CPNE4: variants seen among roughly 807,000 people sequenced by gnomAD.
CPNE4 encodes copine 4.
In CPNE4, 25 loss-of-function variants were observed where a neutral mutation model predicts 67.9. The observed-to-expected ratio is 0.37, with a 90% CI of 0.27 to 0.51. The LOEUF (loss-of-function observed/expected upper bound fraction) is 0.51. CPNE4 is among the 20% of genes least tolerant of loss of function. CPNE4 has a pLI of 0.93. For missense variants in CPNE4, 464 were observed against 690.8 expected (o/e 0.67, Z 3.68); for synonymous variants, 242 against 244.9 (o/e 0.99, Z 0.11).
At chr3:131,550,179 T>G (rs1361478027) in intron 13 of CPNE4, 99 bp from the exon 14 acceptor site, 4 of 1,239,282 alleles carry the variant, frequency 3.2e-6, no homozygotes, top group Non-Finnish European at 4.5e-6. Flanking sequence ...TCCCAAATAG[T>G]CCTTATCAAC....
At chr3:132,010,701 T>G (rs990529466) in intron 1 of CPNE4, among the ~76,000 whole-genome samples, 10 of 152,176 alleles carry the variant, frequency 6.6e-5, no homozygotes, top group African/African-American at 2.4e-4. Context: ...AGAGGGGCCG[T>G]GACTCTCTTC....
intron 8 of CPNE4, among the ~76,000 whole-genome samples, chr3:131,582,441 C>A (rs896328911): frequency 2.0e-5 from 3 of 152,116 alleles, no homozygotes; most frequent in African/African-American, 7.2e-5. Context: ...TGCCCACCAA[C>A]CTATGAAAGC....
chr3:131,832,790 A>G (rs2085423841), intron 2 of CPNE4, among the ~76,000 whole-genome samples: 1 of 152,174 alleles, frequency 6.6e-6, no homozygotes, highest in Non-Finnish European at 1.5e-5. Flanking sequence ...TTTAGACTTT[A>G]GAGTTGATGC....
At chr3:131,930,854 A>G (rs910815274) in intron 1 of CPNE4, among the ~76,000 whole-genome samples, 2 of 152,100 alleles carry the variant, frequency 1.3e-5, no homozygotes, top group African/African-American at 4.8e-5. Context: ...CCTGATTCCT[A>G]TAACTATAGG....
chr3:131,884,673 G>C (rs1211486066), intron 2 of CPNE4, among the ~76,000 whole-genome samples: 2 of 152,178 alleles, frequency 1.3e-5, no homozygotes, highest in Non-Finnish European at 2.9e-5. Context: ...GAGGGACCTG[G>C]TGGGAGATAA....
intron 2 of CPNE4, among the ~76,000 whole-genome samples, chr3:131,860,706 G>C (rs556702226): frequency 2.4e-4 from 36 of 152,208 alleles, no homozygotes; most frequent in African/African-American, 8.7e-4. Flanking sequence ...TGGAAATAGG[G>C]GTTATATTGC....
chr3:131,552,429 T>C lies in CPNE4; in HGVS notation c.1168+11A>G, dbSNP rs548000436. ...ACTGTGACACTGGCTTTCTTTCACG[T>C]TGTGCTTTACCTGCACATTCTGGGT... On this transcript the variant is annotated intron_variant, in intron 13 of 15. Transcript: ENST00000429747. 42 of 1,611,186 alleles carry C rather than the reference T, an allele frequency of 2.6e-5. No homozygotes were observed. The African/African-American group carries it at 4.3e-4, about 16-fold the overall frequency.
At chr3:132,023,121 A>C (rs1185622031) in intron 1 of CPNE4, among the ~76,000 whole-genome samples, 1 of 152,208 alleles carries the variant, frequency 6.6e-6, no homozygotes, top group African/African-American at 2.4e-5. Context: ...AATTAAAATG[A>C]GGGGAAAGGG....
rs1034449332 is a variant in CPNE4 at position 131,767,796 on chromosome 3, T to G, written c.181-44171A>C. On this transcript the variant is annotated intron_variant, in intron 2 of 15. Coordinates refer to ENST00000429747, the MANE Select transcript of CPNE4 (RefSeq NM_130808.3). ...ATTATATATTTATTTATTTATTTATTTATTTATTTTTTAGGAAAAACACAT... is the reference window on the plus strand; with the variant it reads ...ATTATATATTTATTTATTTATTTATGTATTTATTTTTTAGGAAAAACACAT... 1.0e-3 allele frequency among the ~76,000 whole-genome samples: 159 copies of G among 152,040 alleles called. 2 individuals are homozygous for G. The highest frequency in any genetic ancestry group is 2.5e-4 in the Non-Finnish European group (17 of 68,002).
chr3:131,992,832 C>G (rs548802128), intron 1 of CPNE4, among the ~76,000 whole-genome samples: 1 of 135,654 alleles, frequency 7.4e-6, no homozygotes, highest in East Asian at 2.4e-4. Context: ...TGAGTTCTCA[C>G]GAGATCTAAG....
chr3:131,572,702 G>T (rs1243789835), intron 10 of CPNE4, among the ~76,000 whole-genome samples: 1 of 152,046 alleles, frequency 6.6e-6, no homozygotes, highest in Non-Finnish European at 1.5e-5. Context: ...AAAAGTTTGT[G>T]TTGGCTAAAG....
In CPNE4 at chr3:131,990,872, CG is replaced by C. The variant is rs1378612631; in HGVS notation, c.-2+43694del. ...GACCTGGTGGGAGGTAACTGAATCA[CG>C]GGGGAAGTTACTCCCATGCTTTCTT... On this transcript the variant is annotated intron_variant, in intron 1 of 15. Coordinates refer to ENST00000429747, the MANE Select transcript of CPNE4 (RefSeq NM_130808.3). Among the ~76,000 whole-genome samples the C allele has an allele frequency of 1.5e-5, 2 of 135,614 alleles. 1 individual carries two copies. Among genetic ancestry groups the C allele is most frequent in the Non-Finnish European group, 3.3e-5 (2 of 59,766 alleles). 89.0% of individuals were successfully genotyped at this position (135,614 alleles called of 152,430 possible). A position where few individuals can be genotyped will look rare whatever the true frequency, so the allele number is the denominator to read the frequency against.
chr3:131,664,607 TTTC>T (rs2080211965), intron 7 of CPNE4, among the ~76,000 whole-genome samples: 1 of 152,154 alleles, frequency 6.6e-6, no homozygotes. Flanking sequence ...ATCAGGATGA[TTTC>T]TTTTCTAATA....
chr3:131,708,311 G>A (rs2081464220), intron 3 of CPNE4, among the ~76,000 whole-genome samples: 2 of 152,172 alleles, frequency 1.3e-5, no homozygotes, highest in Admixed American at 6.5e-5. Context: ...GGCAAGGGGT[G>A]TGGAGAGGGC....
intron 2 of CPNE4, among the ~76,000 whole-genome samples, chr3:131,804,420 C>T (rs191237623): frequency 1.2e-4 from 18 of 152,168 alleles, no homozygotes; most frequent in Admixed American, 1.1e-3. Context: ...AGGTATGACT[C>T]GAGCCTTGTG....
intron 7 of CPNE4, among the ~76,000 whole-genome samples, chr3:131,646,525 G>A (rs2079669195): frequency 6.6e-6 from 1 of 152,112 alleles, no homozygotes; most frequent in Non-Finnish European, 1.5e-5. Context: ...CATGTTGCAG[G>A]GCTAAATTCA....
chr3:131,788,463 T>C (rs887194023), intron 2 of CPNE4, among the ~76,000 whole-genome samples: 1 of 152,122 alleles, frequency 6.6e-6, no homozygotes, highest in African/African-American at 2.4e-5. Flanking sequence ...AGGGGAAAGT[T>C]TTTTAGGTAC....
intron 7 of CPNE4, among the ~76,000 whole-genome samples, chr3:131,610,543 A>T (rs1372754073): frequency 6.6e-6 from 1 of 152,150 alleles, no homozygotes; most frequent in Non-Finnish European, 1.5e-5. Context: ...GACACACAGC[A>T]AGGTTTAAAT....
At position 131,608,612 on chromosome 3, in the gene CPNE4, C is replaced by T. The variant is rs531018027; in HGVS notation, c.682-21030G>A. On this transcript the variant is annotated intron_variant, in intron 7 of 15. Transcript: ENST00000429747. ...GGAAGACAACTTTCATTGAAATCAA[C>T]TGGCCTTAAGGAAAGGATACTCTAG... is the stretch of plus-strand genomic sequence containing the variant. Among the ~76,000 whole-genome samples the T allele has an allele frequency of 2.6e-5, 4 of 152,198 alleles. No homozygotes were observed. In the South Asian group the frequency reaches 8.3e-4, roughly 32 times the overall value.
Sources: gnomAD v4.1 joint callset for allele counts (sites outside exome capture counted in the v4.1 genomes callset) on GRCh38, gnomAD v4.1.1 for gene constraint, MANE v1.5 for transcripts, NCBI Gene and HGNC (gene_info 2026-07-23, HGNC 2026-07-21) for gene names.